The following ROBO1 variants were observed in gnomAD, a reference collection of about 807,000 sequenced individuals.
The protein encoded by ROBO1 is roundabout homolog 1.
ROBO1 carries 149 observed loss-of-function variants against 195.9 expected under a neutral mutation model. That is an observed-to-expected ratio of 0.76 (90% CI 0.67 to 0.87). The LOEUF (loss-of-function observed/expected upper bound fraction) is 0.87. ROBO1 is among the 40% of genes least tolerant of loss of function. The pLI is 0.00. For synonymous variants in ROBO1, 816 were observed against 733.2 expected (o/e 1.11, Z -1.82); for missense variants, 1,933 against 2,068.3 (o/e 0.93, Z 1.27).
At chr3:79,101,815 T>A (rs552612473) in intron 3 of ROBO1, among the ~76,000 whole-genome samples, 1 of 152,068 alleles carries the variant, frequency 6.6e-6, no homozygotes, top group South Asian at 2.1e-4. Flanking sequence ...CTTGTTTGAA[T>A]CTAAACATTT....
chr3:78,636,574 C>G (rs2107535561), intron 22 of ROBO1, among the ~76,000 whole-genome samples: 1 of 151,962 alleles, frequency 6.6e-6, no homozygotes. Flanking sequence ...GATCAAAGAA[C>G]TTGAGATTTT....
At chr3:79,065,144 AT>A (rs371145505) in intron 3 of ROBO1, among the ~76,000 whole-genome samples, 38 of 152,080 alleles carry the variant, frequency 2.5e-4, no homozygotes, top group African/African-American at 9.1e-4. Flanking sequence ...TTAAAAACCC[AT>A]TTTTGAAACA....
chr3:78,606,918 C>T lies in ROBO1; in HGVS notation c.4559G>A (p.Arg1520Lys), dbSNP rs1365590718. 2 of 1,613,800 alleles carry T rather than the reference C, an allele frequency of 1.2e-6. No individual in the cohort carries two copies. The highest frequency in any genetic ancestry group is 3.3e-5 in the Admixed American group (2 of 59,972). The change falls in exon 29 of 31, where the codon AGA becomes AAA. Residue 1520 changes from arginine (R) to lysine (K), a missense_variant. This residue lies in a region of ROBO1 where 1,737 missense variants were observed against 1,882.5 expected (regional missense o/e 0.92). Coordinates refer to ENST00000464233, the MANE Select transcript of ROBO1 (RefSeq NM_002941.4). ...KLPSMDARTD[R>K]SSDRKGSSYK... ...ACTGCTTCCTTTTCTGTCTGATGAT[C>T]TGTCTGTTCTTGCATCCATAGAAGG... is the stretch of plus-strand genomic sequence containing the variant.
chr3:79,457,382 T>A (rs542642270), intron 2 of ROBO1, among the ~76,000 whole-genome samples: 1 of 150,760 alleles, frequency 6.6e-6, no homozygotes, highest in East Asian at 1.9e-4. Context: ...AATGAAACAC[T>A]GTGTGTGTGT....
chr3:78,993,870 T>TC (rs527587925), intron 3 of ROBO1, among the ~76,000 whole-genome samples: 78 of 152,236 alleles, frequency 5.1e-4, no homozygotes, highest in African/African-American at 1.6e-3. Context: ...TGGTTTTTTT[T>TC]CCCACAAAAT....
intron 2 of ROBO1, among the ~76,000 whole-genome samples, chr3:79,388,006 G>A (rs2036817996): frequency 6.6e-6 from 1 of 152,130 alleles, no homozygotes; most frequent in South Asian, 2.1e-4. Context: ...CCCATTGGAG[G>A]TGCCTGATGC....
chr3:79,243,592 G>A (rs1007677546), intron 2 of ROBO1, among the ~76,000 whole-genome samples: 17 of 152,254 alleles, frequency 1.1e-4, no homozygotes, highest in African/African-American at 3.9e-4. Context: ...CAGTGATGAT[G>A]AGCATTTTTT....
At chr3:79,673,361 C>A (rs1385616684) in intron 1 of ROBO1, among the ~76,000 whole-genome samples, 2 of 151,496 alleles carry the variant, frequency 1.3e-5, no homozygotes, top group African/African-American at 2.4e-5. Context: ...ATTTTTAGAT[C>A]GTAACCAGTA....
chr3:79,341,486 C>CA (rs1174518077), intron 2 of ROBO1, among the ~76,000 whole-genome samples: 1 of 151,530 alleles, frequency 6.6e-6, no homozygotes, highest in Admixed American at 6.6e-5. Context: ...ACTAATTTAC[C>CA]ACTGGTTCTT....
chr3:78,851,993 T>C (rs2106873905), intron 4 of ROBO1, among the ~76,000 whole-genome samples: 1 of 152,192 alleles, frequency 6.6e-6, no homozygotes, highest in Admixed American at 6.5e-5. Context: ...TGGCCAGTTA[T>C]CAATAAGGTT....
chr3:79,431,653 C>A (rs76728763), intron 2 of ROBO1, among the ~76,000 whole-genome samples: 5,225 of 152,100 alleles, frequency 0.034, 207 homozygotes, highest in African/African-American at 0.098. Flanking sequence ...TACTTATTTG[C>A]AAAGATGTTT....
In ROBO1 at chr3:79,550,195, G is replaced by GAAAGAAAGAAAGAAAGAAAGAAAAGAAA; in HGVS notation, c.88+39628_88+39629insTTTCTTTTCTTTCTTTCTTTCTTTCTTT. Among the ~76,000 whole-genome samples the GAAAGAAAGAAAGAAAGAAAGAAAAGAAA allele has an allele frequency of 1.1e-4, 11 of 100,812 alleles. 1 individual carries two copies. Among genetic ancestry groups the GAAAGAAAGAAAGAAAGAAAGAAAAGAAA allele is most frequent in the Non-Finnish European group, 1.7e-4 (9 of 51,498 alleles). The allele number at this position is 100,812 out of a possible 152,430, so 66.1% of individuals were successfully genotyped here. A position where few individuals can be genotyped will look rare whatever the true frequency, so the allele number is the denominator to read the frequency against. ...AGAAAGAAAGAAAGAAAGAAAGAAA[G>GAAAGAAAGAAAGAAAGAAAGAAAAGAAA]GAAAAGAAAAGAAAAGAAAAGAAAA... On this transcript the variant is annotated intron_variant, in intron 2 of 30. Coordinates refer to ENST00000464233, the MANE Select transcript of ROBO1 (RefSeq NM_002941.4).
intron 5 of ROBO1, among the ~76,000 whole-genome samples, chr3:78,719,092 T>C (rs140372458): frequency 1.3e-5 from 2 of 152,176 alleles, no homozygotes; most frequent in Non-Finnish European, 2.9e-5. Flanking sequence ...ACAAAGTTTT[T>C]AATTTTTATG....
At chr3:78,883,504 C>T (rs2036310064) in intron 4 of ROBO1, among the ~76,000 whole-genome samples, 1 of 152,062 alleles carries the variant, frequency 6.6e-6, no homozygotes, top group South Asian at 2.1e-4. Flanking sequence ...ACCTCAGCCT[C>T]CTGAGTAGCT....
At chr3:78,785,098 T>G (rs1247451350) in intron 4 of ROBO1, among the ~76,000 whole-genome samples, 1 of 152,168 alleles carries the variant, frequency 6.6e-6, no homozygotes, top group Non-Finnish European at 1.5e-5. Context: ...CAAGCTGTGC[T>G]CAGATACATG....
chr3:78,599,982 C>G, intron 30 of ROBO1, 131 bp downstream of exon 30: 1 of 766,220 alleles, frequency 1.3e-6, no homozygotes, highest in Admixed American at 2.1e-5. Context: ...TCAGTTTCTG[C>G]CATCATAGAC....
chr3:79,223,976 C>T (rs1173136623), intron 2 of ROBO1, among the ~76,000 whole-genome samples: 1 of 152,084 alleles, frequency 6.6e-6, no homozygotes, highest in South Asian at 2.1e-4. Context: ...TTGTTTTATT[C>T]TAGGACAAAT....
At chr3:79,418,404 G>A (rs2038094063) in intron 2 of ROBO1, among the ~76,000 whole-genome samples, 1 of 151,954 alleles carries the variant, frequency 6.6e-6, no homozygotes, top group African/African-American at 2.4e-5. Flanking sequence ...AGATATATGT[G>A]GCCTGAAAAT....
intron 4 of ROBO1, among the ~76,000 whole-genome samples, chr3:78,903,062 G>A (rs1157825190): frequency 6.6e-6 from 1 of 151,988 alleles, no homozygotes; most frequent in African/African-American, 2.4e-5. Flanking sequence ...CATAGGAAGA[G>A]GCAACCACAA....
Sources: allele counts gnomAD v4.1 joint callset (sites outside exome capture counted in the v4.1 genomes callset), GRCh38; gene constraint gnomAD v4.1.1; regional missense constraint gnomAD v4.1.1; transcripts MANE v1.5; gene names NCBI Gene and HGNC (gene_info 2026-07-23, HGNC 2026-07-21).